Variants in C8orf34 observed in about 807,000 individuals in gnomAD.
C8orf34 encodes the protein uncharacterized protein C8orf34.
A neutral mutation model predicts 68.3 loss-of-function variants in C8orf34; 65 were observed. The observed-to-expected ratio is 0.95, with a 90% CI of 0.78 to 1.17. The LOEUF (loss-of-function observed/expected upper bound fraction) is 1.17, where lower values mean the gene tolerates loss of function less well. Ranked by LOEUF, C8orf34 falls within the 50% of genes most tolerant of loss-of-function variation. The probability of loss-of-function intolerance (pLI) is 0.00; values close to 1 mark genes in which losing one functional copy is unlikely to be tolerated. For synonymous variants in C8orf34, 244 were observed against 241.2 expected (o/e 1.01, Z -0.11); for missense variants, 664 against 655.4 (o/e 1.01, Z -0.14).
intron 7 of C8orf34, among the ~76,000 whole-genome samples, chr8:68,576,953 T>C (rs1262143629): frequency 6.6e-6 from 1 of 152,056 alleles, no homozygotes; most frequent in African/African-American, 2.4e-5. Flanking sequence ...TTTATATCCT[T>C]ATATTTATTA....
intron 1 of C8orf34, among the ~76,000 whole-genome samples, chr8:68,395,382 C>A (rs911054161): frequency 2.7e-5 from 4 of 150,764 alleles, no homozygotes; most frequent in Non-Finnish European, 5.9e-5. Flanking sequence ...CACACACACA[C>A]ACACACACAC....
chr8:68,389,437 C>T (rs1808391435), intron 1 of C8orf34, among the ~76,000 whole-genome samples: 1 of 152,086 alleles, frequency 6.6e-6, no homozygotes, highest in South Asian at 2.1e-4. Context: ...AGAATCATCC[C>T]AGTGCATGTA....
chr8:68,428,975 A>T (rs1810341992), intron 1 of C8orf34, among the ~76,000 whole-genome samples: 1 of 152,170 alleles, frequency 6.6e-6, no homozygotes, highest in South Asian at 2.1e-4. Context: ...TGCAAGGCAA[A>T]AACAGTGAAA....
intron 6 of C8orf34, among the ~76,000 whole-genome samples, chr8:68,528,431 T>C (rs1487464034): frequency 1.3e-5 from 2 of 152,218 alleles, no homozygotes; most frequent in Non-Finnish European, 2.9e-5. Flanking sequence ...TCACCCACCT[T>C]GTTCTTAATT....
At chr8:68,389,366 C>CAT (rs960862971) in intron 1 of C8orf34, among the ~76,000 whole-genome samples, 3 of 151,976 alleles carry the variant, frequency 2.0e-5, no homozygotes, top group Non-Finnish European at 4.4e-5. Context: ...AATGGGGCAT[C>CAT]ATATATATAA....
At chr8:68,433,424 G>A (rs950050742) in intron 1 of C8orf34, among the ~76,000 whole-genome samples, 1 of 152,108 alleles carries the variant, frequency 6.6e-6, no homozygotes, top group Non-Finnish European at 1.5e-5. Flanking sequence ...AACAAAAAAG[G>A]CCATGTAGTA....
chr8:68,659,380 G>T (rs1819603874), intron 8 of C8orf34, among the ~76,000 whole-genome samples: 1 of 152,120 alleles, frequency 6.6e-6, no homozygotes, highest in Non-Finnish European at 1.5e-5. Flanking sequence ...TCCTTCTGAT[G>T]CTGGGAACTT....
chr8:68,451,967 C>T (rs1811364258), intron 3 of C8orf34, among the ~76,000 whole-genome samples: 1 of 151,948 alleles, frequency 6.6e-6, no homozygotes, highest in African/African-American at 2.4e-5. Context: ...AGTGAAATCA[C>T]AATGTATGAC....
chr8:68,691,211 G>GATACTGCATT (rs1484289194), intron 8 of C8orf34, among the ~76,000 whole-genome samples: 1 of 152,010 alleles, frequency 6.6e-6, no homozygotes, highest in Non-Finnish European at 1.5e-5. Flanking sequence ...GCAAATTGAA[G>GATACTGCATT]GTTTGTGTGA....
chr8:68,380,462 A>T (rs1432812123), intron 1 of C8orf34, among the ~76,000 whole-genome samples: 1 of 152,202 alleles, frequency 6.6e-6, no homozygotes. Context: ...TAAAAAAGAT[A>T]TTTTTAGAGG....
chr8:68,399,734 A>G (rs1020191324), intron 1 of C8orf34, among the ~76,000 whole-genome samples: 3 of 152,154 alleles, frequency 2.0e-5, no homozygotes, highest in Non-Finnish European at 4.4e-5. Context: ...AGAAATCTGC[A>G]TACTCTTTTC....
At chr8:68,531,506 GA>G (rs1326328480) in intron 6 of C8orf34, among the ~76,000 whole-genome samples, 4 of 151,974 alleles carry the variant, frequency 2.6e-5, no homozygotes, top group Non-Finnish European at 5.9e-5. Context: ...GATATTTTTG[GA>G]AAAAAATTCT....
At chr8:68,586,887 A>G (rs1052498361) in intron 7 of C8orf34, among the ~76,000 whole-genome samples, 2 of 150,886 alleles carry the variant, frequency 1.3e-5, no homozygotes, top group Non-Finnish European at 2.9e-5. Flanking sequence ...TTTACAAATA[A>G]AGTTTTATTC....
chr8:68,757,621 A>C (rs1044170088), intron 10 of C8orf34, among the ~76,000 whole-genome samples: 1 of 150,212 alleles, frequency 6.7e-6, no homozygotes, highest in African/African-American at 2.4e-5. Flanking sequence ...ACTCCGTCTC[A>C]AAAAAATAAA....
intron 8 of C8orf34, among the ~76,000 whole-genome samples, chr8:68,698,238 T>C (rs950612011): frequency 1.3e-5 from 2 of 152,090 alleles, no homozygotes; most frequent in African/African-American, 4.8e-5. Context: ...TGGTACAAAG[T>C]AATATTACTT....
intron 12 of C8orf34, chr8:68,791,227 GA>G: frequency 2.8e-6 from 1 of 357,432 alleles, no homozygotes; most frequent in East Asian, 4.2e-5. Context: ...ATGGCAGAAG[GA>G]AAAGGAGAAG....
At position 68,459,869 on chromosome 8, in the gene C8orf34, G is replaced by A. The variant is rs192206130; in HGVS notation, c.608-8823G>A. Among the ~76,000 whole-genome samples, 419 of 152,304 alleles carry A rather than the reference G, an allele frequency of 2.8e-3. 2 individuals carry two copies. The highest frequency in any genetic ancestry group is 9.6e-3 in the African/African-American group (399 of 41,578). ...AGCTCCCAGTGTGAGTGACGCAGAA[G>A]ACAGGTGATTTCTGCATTTCCATCA... On this transcript the variant is annotated intron_variant, in intron 3 of 13. Transcript: ENST00000518698.
At chr8:68,600,652 A>G (rs1185196353) in intron 7 of C8orf34, among the ~76,000 whole-genome samples, 1 of 152,156 alleles carries the variant, frequency 6.6e-6, no homozygotes, top group Non-Finnish European at 1.5e-5. Flanking sequence ...ATATTTGTGC[A>G]TATTTATGGG....
At chr8:68,738,977 CAA>C (rs887510651) in intron 10 of C8orf34, among the ~76,000 whole-genome samples, 9 of 151,788 alleles carry the variant, frequency 5.9e-5, no homozygotes, top group African/African-American at 2.2e-4. Flanking sequence ...AGAGACACAA[CAA>C]AAAAAGAAAG....
Sources: gnomAD v4.1 joint callset for allele counts (sites outside exome capture counted in the v4.1 genomes callset) on GRCh38, gnomAD v4.1.1 for gene constraint, MANE v1.5 for transcripts, NCBI Gene and HGNC (gene_info 2026-07-23, HGNC 2026-07-21) for gene names.